ARHGAP19: variants seen among roughly 807,000 people sequenced by gnomAD.
ARHGAP19 encodes the protein Rho GTPase activating protein 19.
ARHGAP19 carries 48 observed loss-of-function variants against 60.9 expected under a neutral mutation model. The ratio of observed to expected loss-of-function variants is 0.79; its 90% CI spans 0.62 to 1.00. ARHGAP19 has a LOEUF of 1.00. Ranked by LOEUF, ARHGAP19 falls within the 50% of genes least tolerant of loss-of-function variation. The pLI, the probability that ARHGAP19 is intolerant of heterozygous loss-of-function variation, is 0.00. For synonymous variants in ARHGAP19, 209 were observed against 215.5 expected (o/e 0.97, Z 0.27); for missense variants, 562 against 597.2 (o/e 0.94, Z 0.61).
At chr10:97,258,212 G>A (rs971984953) in intron 5 of ARHGAP19, among the ~76,000 whole-genome samples, 2 of 152,058 alleles carry the variant, frequency 1.3e-5, no homozygotes, top group African/African-American at 2.4e-5. Context: ...AAAATGGCTT[G>A]TAGACAGCTG....
Position 97,263,523 on chromosome 10 carries a change from T to A in ARHGAP19, c.510A>T (p.Glu170Asp), listed in dbSNP as rs1453814439. 6.2e-7 allele frequency: 1 copy of A among 1,614,162 alleles called. No individual in the cohort carries two copies. Among genetic ancestry groups the A allele is most frequent in the South Asian group, 1.1e-5 (1 of 91,082 alleles). The change falls in exon 4 of 12, where the codon GAA becomes GAT. Residue 170 changes from glutamate (E) to aspartate (D), a missense_variant. Glu to Asp is a conservative substitution (Grantham distance 45). Transcript: ENST00000358531. ...NGTDIDLESG[E>D]FHSNDVATLL... ...AAGTGGCAACATCATTTGAGTGAAA[T>A]TCCCCTGATTCCAAGTCAATGTCAG...
intron 1 of ARHGAP19, among the ~76,000 whole-genome samples, chr10:97,274,833 TG>T (rs1843003681): frequency 6.6e-6 from 1 of 152,202 alleles, no homozygotes; most frequent in Non-Finnish European, 1.5e-5. Flanking sequence ...ACAAGGGCTC[TG>T]GGCAACTATC....
At chr10:97,285,506 C>CA (rs34076906) in intron 1 of ARHGAP19, among the ~76,000 whole-genome samples, 65,910 of 130,046 alleles carry the variant, frequency 0.51, 17,623 homozygotes, top group East Asian at 0.72. Flanking sequence ...ATAATTTTCT[C>CA]TTTTTTTTTT....
chr10:97,283,387 T>C (rs1030393031), intron 1 of ARHGAP19, among the ~76,000 whole-genome samples: 3 of 151,568 alleles, frequency 2.0e-5, no homozygotes, highest in South Asian at 4.2e-4. Flanking sequence ...ATACCCCGTC[T>C]CTACTAAAAA....
At chr10:97,277,884 T>C (rs1473344884) in intron 1 of ARHGAP19, 1 of 152,212 alleles carries the variant, frequency 6.6e-6, no homozygotes, top group Non-Finnish European at 1.5e-5. Flanking sequence ...TTTTTATGGA[T>C]TTTGTGGAAA....
intron 8 of ARHGAP19, 48 bp from the exon 9 acceptor site, chr10:97,235,363 C>T (rs774119588): frequency 6.7e-7 from 1 of 1,498,780 alleles, no homozygotes; most frequent in African/African-American, 1.4e-5. Flanking sequence ...CCCATCAAGA[C>T]ACGGCATTCT....
intron 5 of ARHGAP19, among the ~76,000 whole-genome samples, chr10:97,256,843 C>T (rs542390403): frequency 2.0e-5 from 3 of 152,128 alleles, no homozygotes; most frequent in Non-Finnish European, 2.9e-5. Context: ...GTAAAATTAC[C>T]GGGCGTGGTG....
At chr10:97,242,180 G>A (rs984763822) in intron 8 of ARHGAP19, among the ~76,000 whole-genome samples, 4 of 151,056 alleles carry the variant, frequency 2.6e-5, no homozygotes, top group Non-Finnish European at 4.4e-5. Context: ...AAGATATCCA[G>A]AGGAAAAAGA....
chr10:97,240,206 A>T (rs1257615387), intron 8 of ARHGAP19, among the ~76,000 whole-genome samples: 8 of 152,204 alleles, frequency 5.3e-5, no homozygotes, highest in African/African-American at 1.9e-4. Context: ...CCAAAAAAAT[A>T]ATGCATATTC....
chr10:97,287,894 C>G (rs1279587747), intron 1 of ARHGAP19, among the ~76,000 whole-genome samples: 1 of 152,110 alleles, frequency 6.6e-6, no homozygotes, highest in Non-Finnish European at 1.5e-5. Context: ...GAAACACTGT[C>G]TCTACTAAAA....
At chr10:97,253,373 C>T in intron 6 of ARHGAP19, among the ~76,000 whole-genome samples, 1 of 128,986 alleles carries the variant, frequency 7.8e-6, no homozygotes, top group Non-Finnish European at 1.7e-5. Flanking sequence ...AGTGAAAACT[C>T]TATCTCAAAA....
intron 9 of ARHGAP19, among the ~76,000 whole-genome samples, chr10:97,230,278 C>G (rs375456415): frequency 1.6e-4 from 24 of 152,318 alleles, no homozygotes; most frequent in East Asian, 1.2e-3. Flanking sequence ...GTCCCTCCCC[C>G]CTACTTACCA....
intron 8 of ARHGAP19, among the ~76,000 whole-genome samples, chr10:97,238,457 G>C (rs1454689520): frequency 6.6e-6 from 1 of 152,112 alleles, no homozygotes; most frequent in Non-Finnish European, 1.5e-5. Flanking sequence ...GCTTAAAGCA[G>C]TCCTCCCACT....
chr10:97,249,759 C>A (rs373838864), intron 6 of ARHGAP19, among the ~76,000 whole-genome samples: 50 of 145,152 alleles, frequency 3.4e-4, no homozygotes, highest in African/African-American at 1.2e-3. Context: ...ATAAGAAATT[C>A]TTTTTAGTTT....
At chr10:97,249,724 T>C (rs1198682590) in intron 6 of ARHGAP19, among the ~76,000 whole-genome samples, 1 of 152,124 alleles carries the variant, frequency 6.6e-6, no homozygotes, top group East Asian at 1.9e-4. Context: ...GCTGGGGAAT[T>C]TGAATATGTA....
At chr10:97,256,846 G>A (rs1037801558) in intron 5 of ARHGAP19, among the ~76,000 whole-genome samples, 1 of 152,176 alleles carries the variant, frequency 6.6e-6, no homozygotes, top group African/African-American at 2.4e-5. Context: ...AAATTACCGG[G>A]CGTGGTGGCT....
intron 1 of ARHGAP19, among the ~76,000 whole-genome samples, chr10:97,278,827 T>C (rs78483717): frequency 1.3e-5 from 2 of 150,370 alleles, no homozygotes; most frequent in East Asian, 1.9e-4. Context: ...AAAAAAAAAC[T>C]GCATCCTGCA....
rs1486310873 is a variant in ARHGAP19, at chr10:97,243,678, C to T, written c.1185+290G>A. 2.6e-5 allele frequency among the ~76,000 whole-genome samples: 4 copies of T among 152,152 alleles called. No homozygotes were observed. The South Asian group carries it at 6.2e-4, about 24-fold the overall frequency. ...AAGAAAATCTGGAGGGTTTAAACTT[C>T]GGAACAATATGTTTTAACTGCTGGT... On this transcript the variant is annotated intron_variant, in intron 8 of 11. Coordinates refer to ENST00000358531, the MANE Select transcript of ARHGAP19 (RefSeq NM_032900.6).
At chr10:97,227,836 G>A (rs977150869) in intron 11 of ARHGAP19, among the ~76,000 whole-genome samples, 2 of 152,190 alleles carry the variant, frequency 1.3e-5, no homozygotes, top group African/African-American at 4.8e-5. Flanking sequence ...AACAATCCCT[G>A]CTCTAAAGCT....
Sources: allele counts gnomAD v4.1 joint callset (sites outside exome capture counted in the v4.1 genomes callset), GRCh38; gene constraint gnomAD v4.1.1; transcripts MANE v1.5; gene names NCBI Gene and HGNC (gene_info 2026-07-23, HGNC 2026-07-21).